The following MAP3K14 variants were observed in gnomAD, a reference collection of about 807,000 sequenced individuals.
The protein encoded by MAP3K14 is mitogen-activated protein kinase kinase kinase 14, also known as NF-kappa-beta-inducing kinase.
In MAP3K14, 16 loss-of-function variants were observed where a neutral mutation model predicts 99.2. The observed-to-expected ratio is 0.16, with a 90% CI of 0.11 to 0.24. The LOEUF is 0.24. Ranked by LOEUF, MAP3K14 falls within the 10% of genes least tolerant of loss-of-function variation. MAP3K14 has a pLI of 1.00. For missense variants in MAP3K14, 784 were observed against 1,208.7 expected (o/e 0.65, Z 5.21); for synonymous variants, 462 against 492.4 (o/e 0.94, Z 0.82).
intron 5 of MAP3K14, among the ~76,000 whole-genome samples, chr17:45,285,199 C>T (rs139162910): frequency 6.6e-6 from 1 of 152,276 alleles, no homozygotes; most frequent in Non-Finnish European, 1.5e-5. Flanking sequence ...TGAAAAACAT[C>T]CCAGACTTGT....
At chr17:45,311,353 T>C (rs543397347) in intron 1 of MAP3K14, among the ~76,000 whole-genome samples, 45 of 152,294 alleles carry the variant, frequency 3.0e-4, no homozygotes, top group Non-Finnish European at 5.4e-4. Context: ...ACGAGATTAT[T>C]TGCAAGAGCT....
In MAP3K14 at chr17:45,270,567, G is replaced by C; in HGVS notation, c.1822-4C>G. 1 of 1,544,796 alleles carries C rather than the reference G, an allele frequency of 6.5e-7. No homozygotes were observed. Among genetic ancestry groups the C allele is most frequent in the Non-Finnish European group, 8.7e-7 (1 of 1,147,768 alleles). On this transcript the variant is annotated splice_region_variant and splice_polypyrimidine_tract_variant and intron_variant, in intron 10 of 15. Transcript: ENST00000344686. ...CAGGCGGAGGCTCGCTGGCAATCTG[G>C]GGGGCAAAAGACAACAGGTGAGGCC...
chr17:45,290,697 C>T lies in MAP3K14; in HGVS notation c.49G>A (p.Gly17Arg), dbSNP rs1187559450. Residue 17 changes from glycine to arginine, a missense_variant, in exon 2 of 16, where the codon GGG becomes AGG. Physicochemically the swap from Gly to Arg is moderately radical, Grantham distance 125. Coordinates refer to ENST00000344686, the MANE Select transcript of MAP3K14 (RefSeq NM_003954.5). Reference protein sequence around the residue: ...ACPGAPGSAVGQQKELPKAKE... With the variant: ...ACPGAPGSAVRQQKELPKAKE... ...GCTTTGGGGAGTTCCTTCTGCTGCC[C>T]CACTGCTGAGCCAGGGGCACCTGGG... The T allele has an allele frequency of 6.2e-7, 1 of 1,613,486 alleles. No homozygotes were observed. The highest frequency in any genetic ancestry group is 1.7e-5 in the Admixed American group (1 of 59,954).
chr17:45,285,967 TA>T (rs549960630), intron 5 of MAP3K14, among the ~76,000 whole-genome samples: 21,523 of 125,360 alleles, frequency 0.17, 3,871 homozygotes, highest in African/African-American at 0.47. Flanking sequence ...ACACATTTAT[TA>T]AAAAAAAAAA....
Position 45,286,959 on chromosome 17 carries a change from G to T in MAP3K14, c.624C>A (p.Leu208=), listed in dbSNP as rs1395706421. Residue 208 remains leucine (L), a synonymous_variant, in exon 5 of 16, where the codon CTC becomes CTA. Coordinates refer to ENST00000344686, the MANE Select transcript of MAP3K14 (RefSeq NM_003954.5). The surrounding 1 kb of genome is among the most constrained non-coding windows in gnomAD (Gnocchi z 4.1). ...KPLKEPGLGQ[L]CFKQLGEGLR... is the part of the protein sequence containing the mutation. ...GGCCCTCGCCAAGCTGCTTAAAACA[G>T]AGTTGCCCAAGGCCTGGTTCCTTCA... 3 of 1,614,080 alleles carry T rather than the reference G, an allele frequency of 1.9e-6. No homozygotes were observed. The highest frequency in any genetic ancestry group is 2.5e-6 in the Non-Finnish European group (3 of 1,179,906).
Position 45,305,220 on chromosome 17 carries a change from C to T in MAP3K14, c.-21+11740G>A, listed in dbSNP as rs1411773322. On this transcript the variant is annotated intron_variant, in intron 1 of 15. Transcript: ENST00000344686. The stretch of plus-strand genomic sequence containing the variant: ...TTACACCATTCTCCAGCCTCAGCCT[C>T]CTGAGTAGCGGGACTACAGGCACCC... Among the ~76,000 whole-genome samples, 3 of 152,002 alleles carry T rather than the reference C, an allele frequency of 2.0e-5. No individual in the cohort carries two copies. In the East Asian group the frequency reaches 5.8e-4, roughly 29 times the overall value.
Position 45,290,656 on chromosome 17 carries a change from C to T in MAP3K14, c.90G>A (p.Pro30=), listed in dbSNP as rs756983132. The change falls in exon 2 of 16, where the codon CCG becomes CCA. Residue 30 remains proline, a synonymous_variant. Transcript: ENST00000344686. ...CGGAGCTCTGTTTCTTCCCCAGTGG[C>T]GGCGTCTTCTCCTTGGCTTTGGGGA... The part of the protein sequence containing the change: ...KELPKAKEKT[P]PLGKKQSSVY... 1.3e-5 allele frequency: 21 copies of T among 1,613,322 alleles called. No homozygotes were observed. The highest frequency in any genetic ancestry group is 2.7e-5 in the African/African-American group (2 of 74,760).
At chr17:45,288,349 G>T (rs1456957239) in intron 3 of MAP3K14, among the ~76,000 whole-genome samples, 1 of 151,932 alleles carries the variant, frequency 6.6e-6, no homozygotes, top group Non-Finnish European at 1.5e-5. Flanking sequence ...CTGGTGATAG[G>T]GGAAGGAGCT....
At chr17:45,314,480 A>G (rs969453175) in intron 1 of MAP3K14, among the ~76,000 whole-genome samples, 2 of 152,206 alleles carry the variant, frequency 1.3e-5, no homozygotes, top group African/African-American at 2.4e-5. Context: ...GGTGCCATCA[A>G]TAGTGCCCAT....
chr17:45,290,795 C>T, intron 1 of MAP3K14, 30 bp from the exon 2 acceptor site: 7 of 1,591,390 alleles, frequency 4.4e-6, no homozygotes, highest in Non-Finnish European at 6.0e-6. Context: ...GAGCAGGTCA[C>T]TTAGAATCCC....
chr17:45,297,901 T>C (rs2044357862), intron 1 of MAP3K14, among the ~76,000 whole-genome samples: 1 of 151,778 alleles, frequency 6.6e-6, no homozygotes, highest in Non-Finnish European at 1.5e-5. Flanking sequence ...GTATTTTTAG[T>C]AGAGATGGGA....
chr17:45,299,550 A>G (rs139093331), intron 1 of MAP3K14, among the ~76,000 whole-genome samples: 18 of 152,284 alleles, frequency 1.2e-4, no homozygotes, highest in Non-Finnish European at 2.4e-4. Context: ...TCCCTGGGAC[A>G]TAGAAACAGA....
At chr17:45,310,926 C>A (rs1051130214) in intron 1 of MAP3K14, among the ~76,000 whole-genome samples, 20 of 152,226 alleles carry the variant, frequency 1.3e-4, no homozygotes, top group African/African-American at 4.3e-4. Context: ...GCTGCTGTGG[C>A]TCCACCCTTC....
chr17:45,275,056 G>A (rs943852184), intron 6 of MAP3K14, among the ~76,000 whole-genome samples: 1 of 150,788 alleles, frequency 6.6e-6, no homozygotes, highest in Non-Finnish European at 1.5e-5. Context: ...GGAGAATGGC[G>A]TGAACCCAGG....
At chr17:45,289,657 G>C (rs565735241) in intron 2 of MAP3K14, among the ~76,000 whole-genome samples, 2 of 152,138 alleles carry the variant, frequency 1.3e-5, no homozygotes. Context: ...CAGCTATTAG[G>C]TATTTATATA....
chr17:45,290,644 C>T lies in MAP3K14; in HGVS notation c.102G>A (p.Lys34=), dbSNP rs2044302989. 1.2e-6 allele frequency: 2 copies of T among 1,613,686 alleles called. No individual in the cohort carries two copies. Among genetic ancestry groups the T allele is most frequent in the Non-Finnish European group, 8.5e-7 (1 of 1,179,850 alleles). The part of the protein sequence containing the change: ...KAKEKTPPLG[K]KQSSVYKLEA... The stretch of plus-strand genomic sequence containing the variant: ...CAAGCTTGTAGACGGAGCTCTGTTT[C>T]TTCCCCAGTGGCGGCGTCTTCTCCT... Residue 34 remains lysine, a synonymous_variant, in exon 2 of 16, where the codon AAG becomes AAA. Coordinates refer to ENST00000344686, the MANE Select transcript of MAP3K14 (RefSeq NM_003954.5).
chr17:45,295,472 A>G (rs1302102794), intron 1 of MAP3K14, among the ~76,000 whole-genome samples: 3 of 152,212 alleles, frequency 2.0e-5, no homozygotes, highest in African/African-American at 7.2e-5. Flanking sequence ...GGTTCCTTCT[A>G]GTTCTGAGAA....
intron 1 of MAP3K14, among the ~76,000 whole-genome samples, chr17:45,311,051 C>T (rs2044473882): frequency 6.6e-6 from 1 of 152,136 alleles, no homozygotes; most frequent in African/African-American, 2.4e-5. Flanking sequence ...TCCTTCGTTC[C>T]CTGGCAGCAG....
chr17:45,306,073 A>C (rs565012634), intron 1 of MAP3K14, among the ~76,000 whole-genome samples: 49 of 152,370 alleles, frequency 3.2e-4, no homozygotes, highest in African/African-American at 1.1e-3. Context: ...CATACAAATG[A>C]ATAATAATGA....
Sources: gnomAD v4.1 joint callset for allele counts (sites outside exome capture counted in the v4.1 genomes callset) on GRCh38, gnomAD v4.1.1 for gene constraint, Gnocchi (gnomAD v3.1) non-coding constraint, MANE v1.5 for transcripts, NCBI Gene and HGNC (gene_info 2026-07-23, HGNC 2026-07-21) for gene names.